Variants in NEBL observed in about 807,000 individuals in gnomAD.
NEBL encodes the protein nebulette, also known as LIM and SH3 protein 2.
NEBL carries 122 observed loss-of-function variants against 140.2 expected under a neutral mutation model. The observed-to-expected ratio is 0.87, with a 90% CI of 0.75 to 1.01. The LOEUF (loss-of-function observed/expected upper bound fraction) is 1.01, where lower values mean the gene tolerates loss of function less well. Ranked by LOEUF, NEBL falls within the 50% of genes least tolerant of loss-of-function variation. NEBL has a pLI of 0.00. For synonymous variants in NEBL, 436 were observed against 398.9 expected, an observed-to-expected ratio of 1.09 and a Z score of -1.11; for missense variants, 1,365 against 1,231.3, an observed-to-expected ratio of 1.11 and a Z score of -1.62.
Position 20,896,490 on chromosome 10 carries a change from A to ATATATATATATATATG in NEBL, c.153+467_153+468insCATATATATATATATA, listed in dbSNP as rs1390976598. 3.3e-5 allele frequency among the ~76,000 whole-genome samples: 2 copies of ATATATATATATATATG among 60,372 alleles called. 1 individual carries two copies. The highest frequency in any genetic ancestry group is 7.2e-5 in the Non-Finnish European group (2 of 27,712). The allele number at this position is 60,372 out of a possible 152,430, so 39.6% of individuals were successfully genotyped here. ...GTAAATAAATATTATATGCATATAT[A>ATATATATATATATATG]TATATATATATATATATATATATAT... is the stretch of plus-strand genomic sequence containing the variant. On this transcript the variant is annotated intron_variant, in intron 2 of 27. Coordinates refer to ENST00000377122, the MANE Select transcript of NEBL (RefSeq NM_006393.3).
At chr10:21,051,700 TG>T (rs147362530) in intron 2 of NEBL, among the ~76,000 whole-genome samples, 13,754 of 152,184 alleles carry the variant, frequency 0.09, 2,032 homozygotes, top group African/African-American at 0.31. Context: ...AATTCCCCAG[TG>T]AAAAGACACA....
intron 3 of NEBL, among the ~76,000 whole-genome samples, chr10:21,010,914 T>C (rs537672455): frequency 2.5e-4 from 38 of 152,308 alleles, no homozygotes; most frequent in African/African-American, 8.2e-4. Context: ...TTCCCTCAAA[T>C]CTATGTGACC....
intron 2 of NEBL, chr10:21,110,712 C>G (rs926587125): frequency 1.2e-4 from 58 of 495,378 alleles, no homozygotes; most frequent in African/African-American, 1.0e-3. Flanking sequence ...GGACATGAGC[C>G]CCCTGAGGCC....
At chr10:20,955,415 A>C (rs1312604927) in intron 4 of NEBL, among the ~76,000 whole-genome samples, 4 of 152,198 alleles carry the variant, frequency 2.6e-5, no homozygotes, top group Non-Finnish European at 5.9e-5. Context: ...TGTGTCTGGG[A>C]TCAGGGGGCT....
At chr10:21,242,872 T>G (rs1051658001) in intron 3 of NEBL, among the ~76,000 whole-genome samples, 3 of 152,110 alleles carry the variant, frequency 2.0e-5, no homozygotes, top group Non-Finnish European at 4.4e-5. Context: ...CTATGAAATG[T>G]CAACAAGCAA....
chr10:20,840,170 C>A (rs979623413), intron 13 of NEBL, among the ~76,000 whole-genome samples: 1 of 152,072 alleles, frequency 6.6e-6, no homozygotes, highest in Non-Finnish European at 1.5e-5. Context: ...TCTTTCACTG[C>A]TAAATTCAGC....
At chr10:21,154,573 A>G (rs913979587) in intron 2 of NEBL, among the ~76,000 whole-genome samples, 2 of 152,196 alleles carry the variant, frequency 1.3e-5, no homozygotes, top group African/African-American at 4.8e-5. Context: ...AATATGAAAC[A>G]GAATATGAGA....
intron 2 of NEBL, among the ~76,000 whole-genome samples, chr10:21,088,749 CT>C (rs1406271846): frequency 1.3e-5 from 2 of 152,240 alleles, no homozygotes; most frequent in African/African-American, 4.8e-5. Context: ...TGGAATCTTT[CT>C]TACTCCAACA....
At chr10:21,266,391 C>A (rs183932634) in intron 1 of NEBL, among the ~76,000 whole-genome samples, 1 of 152,344 alleles carries the variant, frequency 6.6e-6, no homozygotes, top group Admixed American at 6.5e-5. Context: ...ACCCACCCAA[C>A]TTGGCCTCCC....
chr10:21,058,329 C>A (rs1181668986), intron 2 of NEBL, among the ~76,000 whole-genome samples: 2 of 152,170 alleles, frequency 1.3e-5, no homozygotes, highest in Admixed American at 6.5e-5. Flanking sequence ...TTGGAAGGTG[C>A]TTTAAGCTAA....
At chr10:21,276,302 C>A (rs1325495998) in intron 1 of NEBL, among the ~76,000 whole-genome samples, 1 of 152,064 alleles carries the variant, frequency 6.6e-6, no homozygotes, top group Admixed American at 6.6e-5. Context: ...CTTATAAAAA[C>A]CTAGAATTTT....
rs1185274190 is a variant in NEBL, at chr10:20,809,786, A to G, written c.2611+20T>C. Reference sequence around the variant, plus strand: ...GGGACAAAACCACATAAATGGGATGAACTAAAAAGTGAGTAATACCAGAGA... The same window carrying G: ...GGGACAAAACCACATAAATGGGATGGACTAAAAAGTGAGTAATACCAGAGA... On this transcript the variant is annotated intron_variant, in intron 25 of 27. Coordinates refer to ENST00000377122, the MANE Select transcript of NEBL (RefSeq NM_006393.3). 1.3e-6 allele frequency: 2 copies of G among 1,531,110 alleles called. No individual in the cohort carries two copies. Among genetic ancestry groups the G allele is most frequent in the African/African-American group, 2.7e-5 (2 of 73,128 alleles). 94.8% of individuals were successfully genotyped at this position (1,531,110 alleles called of 1,614,324 possible). A position where few individuals can be genotyped will look rare whatever the true frequency, so the allele number is the denominator to read the frequency against.
intron 9 of NEBL, among the ~76,000 whole-genome samples, chr10:20,857,898 A>C (rs1054974269): frequency 6.6e-6 from 1 of 152,188 alleles, no homozygotes; most frequent in Admixed American, 6.5e-5. Flanking sequence ...TCTGGCCTGC[A>C]TAAAGTAAAA....
intron 4 of NEBL, among the ~76,000 whole-genome samples, chr10:20,943,091 A>G (rs1222518995): frequency 2.0e-5 from 3 of 152,242 alleles, no homozygotes; most frequent in African/African-American, 7.2e-5. Flanking sequence ...ATTACTGGGT[A>G]TATACCCAAA....
chr10:21,030,443 C>T (rs1368674578), intron 2 of NEBL: 10 of 674,194 alleles, frequency 1.5e-5, no homozygotes, highest in Non-Finnish European at 2.7e-5. Context: ...CTGTCACTCT[C>T]CAACTTCTAA....
intron 2 of NEBL, among the ~76,000 whole-genome samples, chr10:21,042,423 T>C (rs1834315136): frequency 6.6e-6 from 1 of 152,232 alleles, no homozygotes; most frequent in South Asian, 2.1e-4. Flanking sequence ...AATACAGCCA[T>C]TATTAAAAAT....
At position 21,257,467 on chromosome 10, in the gene NEBL, G is replaced by A; in HGVS notation, n.183-5639C>T. The stretch of plus-strand genomic sequence containing the variant: ...GATTATGTTTTAATATGTATGTAAA[G>A]TGCCTGGCACATAATAGCTAGTAAG... On this transcript the variant is annotated intron_variant and non_coding_transcript_variant, in intron 1 of 8. Transcript: ENST00000675702. Among the ~76,000 whole-genome samples, 2 of 152,170 alleles carry A rather than the reference G, an allele frequency of 1.3e-5. 1 individual carries two copies. Among genetic ancestry groups the A allele is most frequent in the Admixed American group, 1.3e-4 (2 of 15,272 alleles).
At chr10:21,252,121 G>A (rs910044766) in intron 1 of NEBL, among the ~76,000 whole-genome samples, 1 of 152,182 alleles carries the variant, frequency 6.6e-6, no homozygotes, top group African/African-American at 2.4e-5. Context: ...TTGGCTTATA[G>A]AAAAGTCTCC....
rs142596544 is a variant in NEBL at position 20,821,696 on chromosome 10, C to T, written c.1962+1512G>A. Among the ~76,000 whole-genome samples, 745 of 152,234 alleles carry T rather than the reference C, an allele frequency of 4.9e-3. 8 individuals carry two copies. Among genetic ancestry groups the T allele is most frequent in the African/African-American group, 0.016 (660 of 41,540 alleles). On this transcript the variant is annotated intron_variant, in intron 19 of 27. Coordinates refer to ENST00000377122, the MANE Select transcript of NEBL (RefSeq NM_006393.3). ...CTTAAACATTAAGATTGTCAGTAAG[C>T]CACATAATATCTACCGGAATGCCAT...
Sources: allele counts gnomAD v4.1 joint callset (sites outside exome capture counted in the v4.1 genomes callset), GRCh38; gene constraint gnomAD v4.1.1; transcripts MANE v1.5; gene names NCBI Gene and HGNC (gene_info 2026-07-23, HGNC 2026-07-21).